PPARGC1A: variants seen among roughly 807,000 people sequenced by gnomAD.
PPARGC1A encodes peroxisome proliferator-activated receptor gamma coactivator 1-alpha.
PPARGC1A carries 25 observed loss-of-function variants against 88.7 expected under a neutral mutation model. The ratio of observed to expected loss-of-function variants is 0.28; its 90% confidence interval spans 0.21 to 0.39. PPARGC1A has a LOEUF of 0.39. Among genes scored for constraint, PPARGC1A ranks in the 10% least tolerant of loss-of-function variants. The probability of loss-of-function intolerance (pLI) is 1.00; values close to 1 mark genes in which losing one functional copy is unlikely to be tolerated. For missense variants in PPARGC1A, 880 were observed against 968.7 expected (o/e 0.91, Z 1.22); for synonymous variants, 363 against 355.6 (o/e 1.02, Z -0.24).
intron 3 of PPARGC1A, among the ~76,000 whole-genome samples, chr4:23,830,202 G>A (rs1282683456): frequency 6.6e-6 from 1 of 152,006 alleles, no homozygotes; most frequent in Non-Finnish European, 1.5e-5. Flanking sequence ...CTGATTCAAA[G>A]AATGTTTGGA....
At chr4:23,827,905 AAAG>A (rs1244548984) in intron 5 of PPARGC1A, among the ~76,000 whole-genome samples, 3 of 152,026 alleles carry the variant, frequency 2.0e-5, no homozygotes, top group African/African-American at 4.8e-5. Context: ...GGAGAGGGAG[AAAG>A]AAGAAGAAAG....
chr4:24,006,882 T>C, the PPARGC1A span, among the ~76,000 whole-genome samples: 1 of 152,166 alleles, frequency 6.6e-6, no homozygotes, highest in Non-Finnish European at 1.5e-5. Flanking sequence ...TAGACTGCAT[T>C]CTTCAACCCA....
the PPARGC1A span, among the ~76,000 whole-genome samples, chr4:24,329,269 T>C: frequency 6.6e-6 from 1 of 152,048 alleles, no homozygotes; most frequent in Non-Finnish European, 1.5e-5. Context: ...TTTTTTTTTT[T>C]TCCTCTTCAA....
chr4:24,279,338 T>C, the PPARGC1A span, among the ~76,000 whole-genome samples: 1 of 152,134 alleles, frequency 6.6e-6, no homozygotes, highest in African/African-American at 2.4e-5. Flanking sequence ...CCAGACATCA[T>C]GAGAAAGAAA....
At chr4:24,437,372 A>G in the PPARGC1A span, among the ~76,000 whole-genome samples, 3 of 152,174 alleles carry the variant, frequency 2.0e-5, no homozygotes, top group African/African-American at 7.2e-5. Context: ...AGATAGCTGA[A>G]CACCTGAAGG....
the PPARGC1A span, among the ~76,000 whole-genome samples, chr4:24,127,886 C>T: frequency 4.6e-5 from 7 of 151,984 alleles, no homozygotes; most frequent in Admixed American, 3.9e-4. Context: ...CTTAAAGGAC[C>T]AATAAGAAGC....
chr4:24,050,598 A>T, the PPARGC1A span, among the ~76,000 whole-genome samples: 1 of 152,110 alleles, frequency 6.6e-6, no homozygotes, highest in Non-Finnish European at 1.5e-5. Flanking sequence ...AGTGATTGCT[A>T]GTTAATTCTC....
At chr4:24,351,197 C>T in the PPARGC1A span, among the ~76,000 whole-genome samples, 1 of 150,242 alleles carries the variant, frequency 6.7e-6, no homozygotes, top group Non-Finnish European at 1.5e-5. Flanking sequence ...CGCCACTGCA[C>T]TCCAGCCTGA....
chr4:24,005,905 C>T, the PPARGC1A span, among the ~76,000 whole-genome samples: 152 of 152,150 alleles, frequency 1.0e-3, 2 homozygotes, highest in African/African-American at 3.5e-3. Context: ...AGATTCTTGG[C>T]GACATGTAAT....
the PPARGC1A span, among the ~76,000 whole-genome samples, chr4:24,471,830 C>T: frequency 8.2e-5 from 12 of 147,104 alleles, no homozygotes; most frequent in African/African-American, 2.5e-4. The surrounding 1 kb of genome is among the most constrained non-coding windows in gnomAD (Gnocchi z 5.4). Flanking sequence ...CTGCACCCCA[C>T]CCCCCCCACC....
chr4:23,876,624 C>A (rs1288509044), intron 2 of PPARGC1A, among the ~76,000 whole-genome samples: 3 of 152,108 alleles, frequency 2.0e-5, no homozygotes, highest in African/African-American at 7.2e-5. Context: ...TCTCCTTCCT[C>A]CTCTCTGCCC....
At chr4:24,276,314 C>A in the PPARGC1A span, among the ~76,000 whole-genome samples, 5 of 152,198 alleles carry the variant, frequency 3.3e-5, no homozygotes, top group Admixed American at 3.3e-4. Context: ...AGCTCCAGGT[C>A]CTGTAAGTCC....
chr4:24,309,922 T>A, the PPARGC1A span, among the ~76,000 whole-genome samples: 3 of 152,158 alleles, frequency 2.0e-5, no homozygotes, highest in African/African-American at 7.2e-5. Flanking sequence ...ATGTATTCAA[T>A]GTATATGAAG....
the PPARGC1A span, chr4:24,091,532 T>A: frequency 3.0e-6 from 3 of 985,380 alleles, no homozygotes; most frequent in South Asian, 4.7e-5. Flanking sequence ...GGAGGTCTCA[T>A]CCATTGCTGA....
chr4:24,420,311 A>G, the PPARGC1A span, among the ~76,000 whole-genome samples: 1 of 152,172 alleles, frequency 6.6e-6, no homozygotes, highest in East Asian at 1.9e-4. Flanking sequence ...TTGTGATGGG[A>G]TGTGCTTTTT....
intron 1 of PPARGC1A, among the ~76,000 whole-genome samples, chr4:23,896,158 G>A (rs1560532385): frequency 6.6e-6 from 1 of 151,956 alleles, no homozygotes; most frequent in Non-Finnish European, 1.5e-5. Context: ...AAGAAGAAGA[G>A]GATGAGGAGG....
chr4:24,436,593 G>T, the PPARGC1A span, among the ~76,000 whole-genome samples: 9 of 143,078 alleles, frequency 6.3e-5, no homozygotes, highest in East Asian at 6.2e-4. Flanking sequence ...CCGGGTCACA[G>T]AGCTGACATC....
At chr4:24,346,779 C>G in the PPARGC1A span, among the ~76,000 whole-genome samples, 1 of 151,964 alleles carries the variant, frequency 6.6e-6, no homozygotes, top group East Asian at 1.9e-4. Context: ...TTTAGTTCTT[C>G]TTTGATGTTG....
the PPARGC1A span, among the ~76,000 whole-genome samples, chr4:24,030,828 A>T: frequency 1.1e-4 from 16 of 152,308 alleles, no homozygotes; most frequent in African/African-American, 2.9e-4. Context: ...AAAACTGCAC[A>T]AAGACTGGCC....
Sources: allele counts gnomAD v4.1 joint callset (sites outside exome capture counted in the v4.1 genomes callset), GRCh38; gene constraint gnomAD v4.1.1; non-coding constraint Gnocchi (gnomAD v3.1); transcripts MANE v1.5; gene names NCBI Gene and HGNC (gene_info 2026-07-23, HGNC 2026-07-21).